MEMO1: variants seen among roughly 807,000 people sequenced by gnomAD.
MEMO1 encodes mediator of cell motility 1.
MEMO1 carries 6 observed loss-of-function variants against 45.2 expected under a neutral mutation model. That is an observed-to-expected ratio of 0.13 (90% CI 0.07 to 0.26). MEMO1 has a LOEUF of 0.26. Among genes scored for constraint, MEMO1 ranks in the 10% least tolerant of loss-of-function variants. The pLI, the probability that MEMO1 is intolerant of heterozygous loss-of-function variation, is 1.00. For missense variants in MEMO1, 184 were observed against 370.5 expected (o/e 0.50, Z 4.13); for synonymous variants, 78 against 124.3 (o/e 0.63, Z 2.48).
chr2:31,988,782 G>A (rs773790205), intron 2 of MEMO1, among the ~76,000 whole-genome samples: 90 of 152,282 alleles, frequency 5.9e-4, no homozygotes, highest in Non-Finnish European at 1.1e-3. Flanking sequence ...TGGGTAGAAA[G>A]ATGGCTGTCT....
intron 3 of MEMO1, among the ~76,000 whole-genome samples, chr2:31,938,291 T>C (rs1205936859): frequency 6.6e-6 from 1 of 151,946 alleles, no homozygotes; most frequent in Non-Finnish European, 1.5e-5. Context: ...TACAACTATA[T>C]CCAGGTTCTG....
chr2:31,997,100 G>C (rs1672709125), intron 2 of MEMO1, among the ~76,000 whole-genome samples: 2 of 152,114 alleles, frequency 1.3e-5, no homozygotes, highest in South Asian at 2.1e-4. Context: ...CTGTCTCCCA[G>C]AACACATTGA....
chr2:31,990,571 CTTT>C (rs34456440), intron 2 of MEMO1, among the ~76,000 whole-genome samples: 1 of 119,990 alleles, frequency 8.3e-6, no homozygotes, highest in East Asian at 2.5e-4. Context: ...AATTTTTTTT[CTTT>C]TTTTTTTTTT....
intron 8 of MEMO1, among the ~76,000 whole-genome samples, chr2:31,872,045 A>AC (rs1553355618): frequency 4.3e-4 from 66 of 151,808 alleles, no homozygotes; most frequent in Middle Eastern, 3.4e-3. Context: ...ACACACACAC[A>AC]AAGTTAAACC....
intron 6 of MEMO1, among the ~76,000 whole-genome samples, chr2:31,894,403 G>C (rs138547141): frequency 1.3e-5 from 2 of 152,198 alleles, no homozygotes; most frequent in African/African-American, 4.8e-5. Context: ...AGAAAAGCCT[G>C]CAGATTTCTT....
At chr2:32,009,924 G>A (rs1489650333) in intron 2 of MEMO1, among the ~76,000 whole-genome samples, 2 of 151,808 alleles carry the variant, frequency 1.3e-5, no homozygotes, top group African/African-American at 4.8e-5. Flanking sequence ...CTGCCGAGGC[G>A]GCAACTCTCC....
At chr2:31,890,762 G>A (rs558400562) in intron 7 of MEMO1, among the ~76,000 whole-genome samples, 2 of 152,246 alleles carry the variant, frequency 1.3e-5, no homozygotes, top group South Asian at 4.2e-4. Flanking sequence ...CTGTGCCACT[G>A]CAGGATGTTT....
chr2:31,946,609 C>G (rs1045712649), intron 2 of MEMO1, among the ~76,000 whole-genome samples: 2 of 152,112 alleles, frequency 1.3e-5, no homozygotes, highest in Admixed American at 1.3e-4. Context: ...TGCCTGTAAT[C>G]CCAGCACTTT....
chr2:31,966,732 C>CAAAAAAAAAAAAAAAAAAAAAAAAA (rs758359349), intron 2 of MEMO1, among the ~76,000 whole-genome samples: 1 of 117,852 alleles, frequency 8.5e-6, no homozygotes, highest in Non-Finnish European at 1.8e-5. Context: ...GACTCTGTCT[C>CAAAAAAAAAAAAAAAAAAAAAAAAA]AAAAAAAAAA....
chr2:31,978,968 C>A (rs1041766824), intron 2 of MEMO1, among the ~76,000 whole-genome samples: 1 of 151,566 alleles, frequency 6.6e-6, no homozygotes, highest in African/African-American at 2.4e-5. Context: ...CATCCCCCCC[C>A]AAAAAAAAGT....
In MEMO1 at chr2:31,908,379, GAA is replaced by G. The variant is rs1351924586; in HGVS notation, c.437+9545_437+9546del. Reference sequence around the variant, plus strand: ...ATATGGTGAGAGTAAAAAAAACAATGAAAGAGATTTCCAGTTTCTAACCTAAC... The same window carrying G: ...ATATGGTGAGAGTAAAAAAAACAATGAGAGATTTCCAGTTTCTAACCTAAC... On this transcript the variant is annotated intron_variant, in intron 6 of 9. Transcript: ENST00000404530. Among the ~76,000 whole-genome samples, 12 of 151,962 alleles carry G rather than the reference GAA, an allele frequency of 7.9e-5. No individual in the cohort carries two copies. The East Asian group carries it at 2.3e-3, about 29-fold the overall frequency.
intron 2 of MEMO1, among the ~76,000 whole-genome samples, chr2:31,984,002 T>C (rs906071977): frequency 1.1e-4 from 16 of 152,150 alleles, no homozygotes; most frequent in African/African-American, 3.9e-4. Flanking sequence ...AAAATAAATA[T>C]ACATGAGTCC....
intron 6 of MEMO1, among the ~76,000 whole-genome samples, chr2:31,913,570 A>T (rs992663353): frequency 5.3e-5 from 8 of 150,094 alleles, no homozygotes; most frequent in East Asian, 2.0e-4. Context: ...ATTTTTTTTT[A>T]AAAAAAGAAC....
At chr2:31,886,836 GC>G (rs1285107134) in intron 7 of MEMO1, among the ~76,000 whole-genome samples, 1 of 152,076 alleles carries the variant, frequency 6.6e-6, no homozygotes, top group Non-Finnish European at 1.5e-5. Context: ...GATTCTTTGA[GC>G]CCCTGTTTCA....
At chr2:31,959,460 C>T (rs1471476959) in intron 2 of MEMO1, among the ~76,000 whole-genome samples, 1 of 150,584 alleles carries the variant, frequency 6.6e-6, no homozygotes, top group Non-Finnish European at 1.5e-5. Flanking sequence ...TGAAGATTAA[C>T]AGAATCCAAC....
chr2:31,974,656 A>C (rs1258729408), intron 2 of MEMO1, among the ~76,000 whole-genome samples: 4 of 151,992 alleles, frequency 2.6e-5, no homozygotes, highest in Non-Finnish European at 4.4e-5. Flanking sequence ...GAGGCAGGAG[A>C]ACCACTTGAA....
intron 2 of MEMO1, among the ~76,000 whole-genome samples, chr2:31,971,266 G>T (rs781268380): frequency 6.6e-6 from 1 of 150,696 alleles, no homozygotes; most frequent in Non-Finnish European, 1.5e-5. Flanking sequence ...CTTTTTTTTT[G>T]AAAAAGAGTC....
At chr2:31,904,705 C>T (rs954730625) in intron 6 of MEMO1, among the ~76,000 whole-genome samples, 8 of 152,186 alleles carry the variant, frequency 5.3e-5, no homozygotes, top group Non-Finnish European at 1.0e-4. Flanking sequence ...GGCCACGGAC[C>T]AGCTGAGGAC....
intron 2 of MEMO1, among the ~76,000 whole-genome samples, chr2:31,997,946 C>T (rs1196066694): frequency 1.3e-5 from 2 of 152,228 alleles, no homozygotes; most frequent in South Asian, 2.1e-4. Flanking sequence ...ACCAGACTTA[C>T]ACATATGTGT....
Sources: allele counts gnomAD v4.1 joint callset (sites outside exome capture counted in the v4.1 genomes callset), GRCh38; gene constraint gnomAD v4.1.1; transcripts MANE v1.5; gene names NCBI Gene and HGNC (gene_info 2026-07-23, HGNC 2026-07-21).